Variants in FAT3 observed in about 807,000 individuals in gnomAD.
The protein encoded by FAT3 is FAT atypical cadherin 3.
Under a neutral mutation model 310.2 loss-of-function variants are expected in FAT3, and 95 were observed. The observed-to-expected ratio is 0.31, with a 90% CI of 0.26 to 0.36. The LOEUF is 0.36. Ranked by LOEUF, FAT3 falls within the 10% of genes least tolerant of loss-of-function variation. The pLI is 1.00. For missense variants in FAT3, 5,408 were observed against 5,715.6 expected (o/e 0.95, Z 1.74); for synonymous variants, 2,314 against 2,192.9 (o/e 1.06, Z -1.54).
At chr11:92,243,488 G>C (rs909329489) in intron 1 of FAT3, among the ~76,000 whole-genome samples, 33 of 151,794 alleles carry the variant, frequency 2.2e-4, no homozygotes, top group African/African-American at 7.7e-4. Flanking sequence ...CTTGCTTTAT[G>C]TTTTAGAAAC....
At chr11:92,536,879 A>C (rs1170486701) in intron 3 of FAT3, among the ~76,000 whole-genome samples, 2 of 152,146 alleles carry the variant, frequency 1.3e-5, no homozygotes, top group Non-Finnish European at 2.9e-5. Flanking sequence ...CCAAGAGTAA[A>C]ATTATATGAC....
At chr11:92,577,344 G>C (rs923803400) in intron 3 of FAT3, among the ~76,000 whole-genome samples, 24 of 151,868 alleles carry the variant, frequency 1.6e-4, no homozygotes, top group Non-Finnish European at 3.4e-4. Context: ...CCTGACCTCA[G>C]GTAATCCACC....
At chr11:92,396,125 G>A (rs1409600716) in intron 2 of FAT3, among the ~76,000 whole-genome samples, 3 of 152,126 alleles carry the variant, frequency 2.0e-5, no homozygotes, top group African/African-American at 7.2e-5. Flanking sequence ...TCACCTACAA[G>A]CATAGGAGTA....
chr11:92,314,439 C>T (rs1398320760), intron 1 of FAT3: 1 of 246,432 alleles, frequency 4.1e-6, no homozygotes, highest in African/African-American at 2.3e-5. Context: ...GAATTTTAAT[C>T]TCCCGAAGCA....
At chr11:92,287,616 A>G (rs1205644018) in intron 1 of FAT3, among the ~76,000 whole-genome samples, 2 of 152,244 alleles carry the variant, frequency 1.3e-5, no homozygotes, top group South Asian at 2.1e-4. Context: ...TTTCAAATCT[A>G]TTTCATGTTT....
intron 2 of FAT3, among the ~76,000 whole-genome samples, chr11:92,479,857 C>A (rs144809232): frequency 1.6e-3 from 241 of 152,244 alleles, no homozygotes; most frequent in Non-Finnish European, 2.5e-3. Flanking sequence ...GTATACATGA[C>A]TAATAAACTG....
intron 3 of FAT3, among the ~76,000 whole-genome samples, chr11:92,585,132 C>G (rs539116615): frequency 3.9e-5 from 6 of 151,946 alleles, no homozygotes; most frequent in Non-Finnish European, 8.8e-5. Flanking sequence ...TCTTGATAAC[C>G]AAGATGTCCC....
chr11:92,409,395 A>G (rs573066182), intron 2 of FAT3, among the ~76,000 whole-genome samples: 1 of 152,220 alleles, frequency 6.6e-6, no homozygotes, highest in South Asian at 2.1e-4. Flanking sequence ...TTCCAGCTGC[A>G]TTTCAATACA....
At chr11:92,288,027 G>A (rs573810851) in intron 1 of FAT3, among the ~76,000 whole-genome samples, 1 of 152,108 alleles carries the variant, frequency 6.6e-6, no homozygotes, top group Admixed American at 6.6e-5. Flanking sequence ...GGGCTGAGAA[G>A]TACCTTTGGG....
chr11:92,445,647 T>C (rs1951190937), intron 2 of FAT3, among the ~76,000 whole-genome samples: 1 of 152,136 alleles, frequency 6.6e-6, no homozygotes, highest in South Asian at 2.1e-4. Flanking sequence ...AGGCCTAATA[T>C]TTGTTTTGCA....
rs1008048688 is a variant in FAT3, at chr11:92,567,364, A to G, written c.3607+42416A>G. Among the ~76,000 whole-genome samples the G allele has an allele frequency of 9.3e-5, 14 of 151,012 alleles. No homozygotes were observed. The South Asian group carries it at 1.9e-3, about 21-fold the overall frequency. ...CCATCTCACACCAGTTAGAATGGCA[A>G]TCATTAAAAAGTCAGGAATCAACAG... On this transcript the variant is annotated intron_variant, in intron 3 of 27. Transcript: ENST00000525166.
rs117557882 is a variant in FAT3 at position 92,702,419 on chromosome 11, G to A, written c.3669+4974G>A. On this transcript the variant is annotated intron_variant, in intron 4 of 27. Transcript: ENST00000525166. Reference sequence around the variant, plus strand: ...AAGAAGGCATGCTCGGCTTCTTTTCGTCTGCATGAGCGTTGCCACGTTAAA... The same window carrying A: ...AAGAAGGCATGCTCGGCTTCTTTTCATCTGCATGAGCGTTGCCACGTTAAA... 9.8e-5 allele frequency among the ~76,000 whole-genome samples: 15 copies of A among 152,296 alleles called. No homozygotes were observed. In the East Asian group the frequency reaches 2.1e-3, roughly 22 times the overall value.
chr11:92,705,446 T>TGGTGGTG (rs1944260079), intron 4 of FAT3, among the ~76,000 whole-genome samples: 2 of 65,656 alleles, frequency 3.0e-5, no homozygotes, highest in Non-Finnish European at 7.3e-5. Flanking sequence ...ATGGTGGTGG[T>TGGTGGTG]GTGATGGTGG....
At chr11:92,404,255 C>T (rs577700075) in intron 2 of FAT3, among the ~76,000 whole-genome samples, 4 of 152,146 alleles carry the variant, frequency 2.6e-5, no homozygotes, top group South Asian at 2.1e-4. Flanking sequence ...TTCCAAGGAG[C>T]TTTACTTCTA....
intron 20 of FAT3, among the ~76,000 whole-genome samples, chr11:92,858,617 A>T (rs536793136): frequency 8.5e-4 from 129 of 152,352 alleles, no homozygotes; most frequent in South Asian, 4.1e-3. Flanking sequence ...CTCGAAATTA[A>T]TGGCCAGAAA....
intron 1 of FAT3, among the ~76,000 whole-genome samples, chr11:92,295,227 T>C (rs1946818534): frequency 6.6e-6 from 1 of 152,182 alleles, no homozygotes; most frequent in Non-Finnish European, 1.5e-5. Context: ...TACCCTGGAA[T>C]GCATGTAGGT....
intron 2 of FAT3, among the ~76,000 whole-genome samples, chr11:92,524,381 T>C (rs867093472): frequency 2.0e-5 from 3 of 152,132 alleles, no homozygotes; most frequent in Non-Finnish European, 2.9e-5. Flanking sequence ...TTGAGAGATA[T>C]CTATCTCCAA....
intron 2 of FAT3, among the ~76,000 whole-genome samples, chr11:92,462,262 C>A (rs1951655664): frequency 6.6e-6 from 1 of 151,926 alleles, no homozygotes; most frequent in Admixed American, 6.6e-5. Flanking sequence ...CAGATTATTT[C>A]ATCATCCAGG....
Position 92,831,688 on chromosome 11 carries a change from C to T in FAT3, c.9548C>T (p.Ser3183Leu). 1 of 1,613,540 alleles carries T rather than the reference C, an allele frequency of 6.2e-7. No homozygotes were observed. The highest frequency in any genetic ancestry group is 8.5e-7 in the Non-Finnish European group (1 of 1,179,770). ...SAGGVFSIDS[S>L]SGIIILEQPL... The stretch of plus-strand genomic sequence containing the variant: ...GGTGGGGTCTTCTCCATTGACAGCT[C>T]ATCTGGCATCATCATCCTGGAGCAG... Residue 3183 changes from serine (S) to leucine (L), a missense_variant, in exon 14 of 28, where the codon TCA (serine) becomes TTA (leucine). Ser to Leu is a moderately radical substitution (Grantham distance 145). Transcript: ENST00000525166.
Sources: gnomAD v4.1 joint callset for allele counts (sites outside exome capture counted in the v4.1 genomes callset) on GRCh38, gnomAD v4.1.1 for gene constraint, MANE v1.5 for transcripts, NCBI Gene and HGNC (gene_info 2026-07-23, HGNC 2026-07-21) for gene names.